Variants in ADCY8 observed in about 807,000 individuals in gnomAD.
ADCY8 encodes adenylate cyclase 8, also known as adenylate cyclase type 8.
ADCY8 carries 51 observed loss-of-function variants against 119.7 expected under a neutral mutation model. The observed-to-expected ratio is 0.43, with a 90% CI of 0.34 to 0.54. The LOEUF (loss-of-function observed/expected upper bound fraction) is 0.54. ADCY8 is among the 20% of genes least tolerant of loss of function. The probability of loss-of-function intolerance (pLI) is 0.03; values close to 1 mark genes in which losing one functional copy is unlikely to be tolerated. For synonymous variants in ADCY8, 665 were observed against 651.0 expected, an observed-to-expected ratio of 1.02 and a Z score of -0.33; for missense variants, 1,383 against 1,598.8, an observed-to-expected ratio of 0.87 and a Z score of 2.30.
intron 7 of ADCY8, among the ~76,000 whole-genome samples, chr8:130,901,603 C>G (rs1040230221): frequency 1.3e-5 from 2 of 152,174 alleles, no homozygotes; most frequent in South Asian, 2.1e-4. Flanking sequence ...CAAATTATGT[C>G]TCTGAATTGC....
intron 1 of ADCY8, 35 bp from the exon 2 acceptor site, chr8:130,990,577 CA>C: frequency 2.5e-6 from 4 of 1,595,738 alleles, no homozygotes; most frequent in Non-Finnish European, 3.4e-6. Context: ...GCGCTTAAAA[CA>C]AAAGCTATTT....
chr8:130,972,469 G>GA (rs1314684653), intron 2 of ADCY8, among the ~76,000 whole-genome samples: 13 of 152,116 alleles, frequency 8.5e-5, no homozygotes, highest in African/African-American at 2.9e-4. Context: ...GCTTTGTAAG[G>GA]AAAAAACAAT....
At chr8:130,800,981 T>A (rs1815759008) in intron 14 of ADCY8, among the ~76,000 whole-genome samples, 2 of 152,198 alleles carry the variant, frequency 1.3e-5, no homozygotes, top group Non-Finnish European at 2.9e-5. Flanking sequence ...GGGTTTTACC[T>A]TCATGATCTA....
intron 11 of ADCY8, among the ~76,000 whole-genome samples, chr8:130,845,453 G>A (rs938349377): frequency 3.9e-5 from 6 of 152,166 alleles, no homozygotes; most frequent in African/African-American, 1.4e-4. Context: ...TCCAGAGAGG[G>A]TAAGAACTGA....
intron 5 of ADCY8, among the ~76,000 whole-genome samples, chr8:130,920,130 G>A (rs1369897862): frequency 2.4e-5 from 3 of 126,506 alleles, no homozygotes; most frequent in East Asian, 4.8e-4. Flanking sequence ...GTGACAGAAC[G>A]AGACTCCGTT....
intron 1 of ADCY8, among the ~76,000 whole-genome samples, chr8:131,028,148 G>A (rs1823877712): frequency 6.6e-6 from 1 of 152,228 alleles, no homozygotes; most frequent in Non-Finnish European, 1.5e-5. Flanking sequence ...AGAAGCTGAA[G>A]CCAAAGTTGC....
intron 8 of ADCY8, among the ~76,000 whole-genome samples, chr8:130,883,654 T>C (rs1818865328): frequency 6.6e-6 from 1 of 152,188 alleles, no homozygotes; most frequent in South Asian, 2.1e-4. Flanking sequence ...AATTTGCTTG[T>C]AGATTCCCTG....
chr8:130,880,199 C>T (rs989853305), intron 8 of ADCY8, among the ~76,000 whole-genome samples: 1 of 152,076 alleles, frequency 6.6e-6, no homozygotes, highest in Non-Finnish European at 1.5e-5. Context: ...TCTTTTTCAG[C>T]AGCATGAAAA....
At chr8:130,953,509 A>C (rs1001351568) in intron 2 of ADCY8, among the ~76,000 whole-genome samples, 6 of 152,190 alleles carry the variant, frequency 3.9e-5, no homozygotes, top group African/African-American at 1.4e-4. Flanking sequence ...CGGCAGTTGC[A>C]GGGTACGGTC....
chr8:130,783,627 G>T, intron 17 of ADCY8, 64 bp downstream of exon 17: 1 of 1,171,648 alleles, frequency 8.5e-7, no homozygotes. Context: ...GCCCAAGGCA[G>T]GGGAGGGTCT....
At chr8:130,958,685 G>C (rs548160578) in intron 2 of ADCY8, among the ~76,000 whole-genome samples, 21 of 152,200 alleles carry the variant, frequency 1.4e-4, no homozygotes, top group Admixed American at 1.4e-3. Context: ...AGAACAGTAT[G>C]GGGGAAACTG....
chr8:130,792,601 C>T (rs531513796), intron 15 of ADCY8, among the ~76,000 whole-genome samples: 10 of 152,320 alleles, frequency 6.6e-5, no homozygotes, highest in African/African-American at 2.4e-4. Context: ...ATATAACCCA[C>T]ATCTAATCTA....
At chr8:130,863,865 G>A (rs1818026829) in intron 9 of ADCY8, among the ~76,000 whole-genome samples, 1 of 152,094 alleles carries the variant, frequency 6.6e-6, no homozygotes, top group Non-Finnish European at 1.5e-5. Context: ...TAATGTTTTA[G>A]ATCAATTAAG....
chr8:130,870,660 C>T (rs1818321503), intron 8 of ADCY8, among the ~76,000 whole-genome samples: 1 of 152,136 alleles, frequency 6.6e-6, no homozygotes, highest in Admixed American at 6.5e-5. Flanking sequence ...AGATCCCTTC[C>T]TATAGATCCC....
intron 12 of ADCY8, among the ~76,000 whole-genome samples, 187 bp from the exon 13 acceptor site, chr8:130,821,607 G>T (rs537736198): frequency 6.6e-6 from 1 of 152,278 alleles, no homozygotes; most frequent in Admixed American, 6.5e-5. Context: ...ACCCCCAAGG[G>T]TATGAGGTGA....
Position 130,849,722 on chromosome 8 carries a change from A to G in ADCY8, c.2292T>C (p.Tyr764=). The G allele has an allele frequency of 6.2e-7, 1 of 1,614,000 alleles. No individual in the cohort carries two copies. The highest frequency in any genetic ancestry group is 8.5e-7 in the Non-Finnish European group (1 of 1,179,926). Residue 764 remains tyrosine, a synonymous_variant, in exon 10 of 18, where the codon TAT becomes TAC. Coordinates refer to ENST00000286355, the MANE Select transcript of ADCY8 (RefSeq NM_001115.3). The part of the protein sequence containing the change: ...ALVLITTAED[Y]KCLPLILRKT... ...TCCGGAGGATGAGGGGCAAACATTT[A>G]TAATCCTCTGCTGTGGTGATGAGGA...
At chr8:130,869,578 T>C (rs962544616) in intron 8 of ADCY8, among the ~76,000 whole-genome samples, 5 of 149,378 alleles carry the variant, frequency 3.3e-5, no homozygotes, top group South Asian at 2.1e-4. Context: ...AGTGCAGTGG[T>C]GTGATCTCGG....
chr8:130,946,290 T>G (rs920944138), intron 3 of ADCY8, among the ~76,000 whole-genome samples: 1 of 152,208 alleles, frequency 6.6e-6, no homozygotes, highest in African/African-American at 2.4e-5. Context: ...ACAAATGGAT[T>G]CCCTGAGAGC....
intron 2 of ADCY8, among the ~76,000 whole-genome samples, chr8:130,968,987 G>A (rs966438312): frequency 3.9e-5 from 6 of 152,180 alleles, no homozygotes; most frequent in East Asian, 3.9e-4. Flanking sequence ...CAGGAGTTTC[G>A]CTACTTCTAT....
Sources: allele counts gnomAD v4.1 joint callset (sites outside exome capture counted in the v4.1 genomes callset), GRCh38; gene constraint gnomAD v4.1.1; transcripts MANE v1.5; gene names NCBI Gene and HGNC (gene_info 2026-07-23, HGNC 2026-07-21).